The following VSTM4 variants were observed in gnomAD, a reference collection of about 807,000 sequenced individuals.
VSTM4 encodes the protein V-set and transmembrane domain containing 4.
A neutral mutation model predicts 36.4 loss-of-function variants in VSTM4; 20 were observed. The ratio of observed to expected loss-of-function variants is 0.55; its 90% CI spans 0.39 to 0.80. VSTM4 has a LOEUF of 0.80. Ranked by LOEUF, VSTM4 falls within the 30% of genes least tolerant of loss-of-function variation. The probability of loss-of-function intolerance (pLI) is 0.00; values close to 1 mark genes in which losing one functional copy is unlikely to be tolerated. For missense variants in VSTM4, 392 were observed against 404.5 expected (o/e 0.97, Z 0.26); for synonymous variants, 182 against 173.9 (o/e 1.05, Z -0.37).
At chr10:49,029,030 C>A (rs887288358) in intron 7 of VSTM4, among the ~76,000 whole-genome samples, 1 of 152,206 alleles carries the variant, frequency 6.6e-6, no homozygotes, top group Non-Finnish European at 1.5e-5. Flanking sequence ...AACAAACTCT[C>A]CCCTAACAAC....
At chr10:49,027,900 T>C (rs1315167761) in intron 7 of VSTM4, among the ~76,000 whole-genome samples, 2 of 152,198 alleles carry the variant, frequency 1.3e-5, no homozygotes, top group African/African-American at 4.8e-5. Flanking sequence ...AACGTTCAAA[T>C]ATAGGTTTTT....
At chr10:49,057,068 C>T (rs974082592) in intron 5 of VSTM4, among the ~76,000 whole-genome samples, 1 of 151,956 alleles carries the variant, frequency 6.6e-6, no homozygotes, top group Non-Finnish European at 1.5e-5. Flanking sequence ...CGTGTGAATT[C>T]ATCAGGTGAG....
intron 2 of VSTM4, among the ~76,000 whole-genome samples, chr10:49,088,286 T>C: frequency 6.6e-6 from 1 of 152,156 alleles, no homozygotes; most frequent in South Asian, 2.1e-4. Flanking sequence ...TGGTAAAATA[T>C]ATGAATTATA....
At chr10:49,082,849 C>T (rs1844305066) in intron 3 of VSTM4, among the ~76,000 whole-genome samples, 1 of 152,218 alleles carries the variant, frequency 6.6e-6, no homozygotes, top group Non-Finnish European at 1.5e-5. Context: ...GTAGAAAATG[C>T]CCAGGCCTCC....
chr10:49,084,951 A>G (rs1212605468), intron 3 of VSTM4, among the ~76,000 whole-genome samples: 1 of 152,242 alleles, frequency 6.6e-6, no homozygotes, highest in Admixed American at 6.5e-5. Context: ...CCCTGCCACT[A>G]GATGCCAGGA....
At chr10:49,089,146 TG>T (rs1442569363) in intron 2 of VSTM4, among the ~76,000 whole-genome samples, 1 of 152,224 alleles carries the variant, frequency 6.6e-6, no homozygotes, top group Non-Finnish European at 1.5e-5. Flanking sequence ...TTTACCCATT[TG>T]TAAAATGGGG....
At chr10:49,065,142 C>A (rs77176265) in intron 4 of VSTM4, among the ~76,000 whole-genome samples, 1,944 of 152,254 alleles carry the variant, frequency 0.013, 52 homozygotes, top group African/African-American at 0.044. Flanking sequence ...AGTTTGAATT[C>A]TCTGATTAAT....
rs970481619 is a variant in VSTM4, at chr10:49,081,784, A to C, written c.526+4171T>G. Among the ~76,000 whole-genome samples the C allele has an allele frequency of 3.3e-5, 5 of 152,312 alleles. No individual in the cohort carries two copies. In the South Asian group the frequency reaches 8.3e-4, roughly 25 times the overall value. ...ACCTCCTGCCTGCGTGTGGCTCCCC[A>C]CACACACAAGACCGGTCATGGCCAC... is the stretch of plus-strand genomic sequence containing the variant. On this transcript the variant is annotated intron_variant, in intron 3 of 7. Coordinates refer to ENST00000332853, the MANE Select transcript of VSTM4 (RefSeq NM_001031746.5).
Position 49,039,361 on chromosome 10 carries a change from G to A in VSTM4, c.837+7622C>T, listed in dbSNP as rs74428007. Among the ~76,000 whole-genome samples, 17 of 152,242 alleles carry A rather than the reference G, an allele frequency of 1.1e-4. No individual in the cohort carries two copies. The South Asian group carries it at 2.1e-3, about 19-fold the overall frequency. On this transcript the variant is annotated intron_variant, in intron 7 of 7. Transcript: ENST00000332853. ...CAGGAAGCCGCCTCATCCTGGAGGCGAGAGGGAGCCATTTACGCAGGGAAA... is the reference window on the plus strand; with the variant it reads ...CAGGAAGCCGCCTCATCCTGGAGGCAAGAGGGAGCCATTTACGCAGGGAAA...
intron 4 of VSTM4, among the ~76,000 whole-genome samples, chr10:49,074,701 G>A (rs1439596182): frequency 1.3e-5 from 2 of 152,240 alleles, no homozygotes; most frequent in Non-Finnish European, 2.9e-5. Context: ...ACTACTAGGA[G>A]ATGCAGGTAC....
intron 7 of VSTM4, among the ~76,000 whole-genome samples, chr10:49,043,611 A>G (rs1243763002): frequency 6.6e-6 from 1 of 152,222 alleles, no homozygotes; most frequent in East Asian, 1.9e-4. Flanking sequence ...AAGACACTGG[A>G]CTCAAAAAAA....
At chr10:49,064,524 C>T (rs1843937290) in intron 5 of VSTM4, 179 bp downstream of exon 5, 2 of 720,116 alleles carry the variant, frequency 2.8e-6, no homozygotes, top group East Asian at 5.8e-5. Context: ...GGGGTGAAAA[C>T]CAGACTGTAG....
chr10:49,028,452 G>GGGT (rs1843296170), intron 7 of VSTM4, among the ~76,000 whole-genome samples: 1 of 152,174 alleles, frequency 6.6e-6, no homozygotes, highest in South Asian at 2.1e-4. Flanking sequence ...CCCAGTTTGA[G>GGGT]GGTGATAATC....
At chr10:49,060,806 T>A (rs187285776) in intron 5 of VSTM4, among the ~76,000 whole-genome samples, 87 of 152,316 alleles carry the variant, frequency 5.7e-4, no homozygotes, top group African/African-American at 2.0e-3. Context: ...AGCTTTTATG[T>A]TTAGGTCTAA....
At chr10:49,051,331 C>G (rs1183533344) in intron 5 of VSTM4, among the ~76,000 whole-genome samples, 19 of 151,720 alleles carry the variant, frequency 1.3e-4, no homozygotes, top group Admixed American at 1.2e-3. Flanking sequence ...TGGCCTCTTT[C>G]ACTTAGCAAT....
chr10:49,031,621 C>CTATTT (rs1459030348), intron 7 of VSTM4, among the ~76,000 whole-genome samples: 1 of 152,190 alleles, frequency 6.6e-6, no homozygotes, highest in Admixed American at 6.5e-5. Context: ...ACACATCTGG[C>CTATTT]TATTTTATTT....
intron 2 of VSTM4, among the ~76,000 whole-genome samples, chr10:49,086,565 A>G (rs922753212): frequency 6.6e-6 from 1 of 152,242 alleles, no homozygotes; most frequent in Non-Finnish European, 1.5e-5. Context: ...TTCAACAGGC[A>G]GGGAAACAGA....
At chr10:49,038,717 C>T (rs1323610167) in intron 7 of VSTM4, among the ~76,000 whole-genome samples, 10 of 152,080 alleles carry the variant, frequency 6.6e-5, no homozygotes, top group African/African-American at 9.7e-5. Context: ...TATGTCATGG[C>T]GGATTTGAGG....
chr10:49,069,001 G>C (rs371727613), intron 4 of VSTM4, among the ~76,000 whole-genome samples: 2 of 152,058 alleles, frequency 1.3e-5, no homozygotes, highest in Non-Finnish European at 2.9e-5. Context: ...GAAGAAGCAG[G>C]CCCTGGGCCA....
Sources: gnomAD v4.1 joint callset for allele counts (sites outside exome capture counted in the v4.1 genomes callset) on GRCh38, gnomAD v4.1.1 for gene constraint, MANE v1.5 for transcripts, NCBI Gene and HGNC (gene_info 2026-07-23, HGNC 2026-07-21) for gene names.